The following PSD3 variants were observed in gnomAD, a reference collection of about 807,000 sequenced individuals.
The protein encoded by PSD3 is PH and SEC7 domain-containing protein 3.
In PSD3, 49 loss-of-function variants were observed where a neutral mutation model predicts 105.5. The observed-to-expected ratio is 0.46, with a 90% confidence interval of 0.37 to 0.59. The LOEUF is 0.59. PSD3 is among the 20% of genes least tolerant of loss of function. The pLI, the probability that PSD3 is intolerant of heterozygous loss-of-function variation, is 0.00. For synonymous variants in PSD3, 557 were observed against 457.8 expected, an observed-to-expected ratio of 1.22 and a Z score of -2.77; for missense variants, 1,561 against 1,263.8, an observed-to-expected ratio of 1.24 and a Z score of -3.57.
At chr8:18,987,527 T>G (rs988501549) in intron 1 of PSD3, among the ~76,000 whole-genome samples, 2 of 151,878 alleles carry the variant, frequency 1.3e-5, no homozygotes, top group East Asian at 3.9e-4. Flanking sequence ...GACCTCGTGA[T>G]CCACCCGCCT....
At chr8:18,837,129 A>G (rs1233725152) in intron 4 of PSD3, among the ~76,000 whole-genome samples, 2 of 152,150 alleles carry the variant, frequency 1.3e-5, no homozygotes, top group African/African-American at 4.8e-5. Context: ...AATCCCAGAT[A>G]GCAGTGACAG....
chr8:18,804,311 A>C, intron 6 of PSD3: 1 of 425,936 alleles, frequency 2.3e-6, no homozygotes, highest in East Asian at 3.6e-5. Flanking sequence ...TGGGATGTTC[A>C]CTTGGATAAG....
chr8:18,564,753 T>C (rs1801625689), intron 14 of PSD3, among the ~76,000 whole-genome samples: 1 of 151,666 alleles, frequency 6.6e-6, no homozygotes, highest in Non-Finnish European at 1.5e-5. Context: ...TCCCCTGAAA[T>C]CCCACTGCCC....
chr8:18,575,203 G>A lies in PSD3; in HGVS notation c.2564C>T (p.Ala855Val). 1 of 1,613,930 alleles carries A rather than the reference G, an allele frequency of 6.2e-7. No homozygotes were observed. Among genetic ancestry groups the A allele is most frequent in the Non-Finnish European group, 8.5e-7 (1 of 1,179,884 alleles). Residue 855 changes from alanine to valine, a missense_variant, in exon 13 of 16, where the codon GCC (alanine) becomes GTC (valine). Coordinates refer to ENST00000327040, the MANE Select transcript of PSD3 (RefSeq NM_015310.4). ...VSVHHALASK[A>V]TDYEKKPNVF... ...GTTTGGTTTCTTCTCATAGTCCGTG[G>A]CCTTGGATGCCAATGCGTGGTGCAC...
chr8:18,710,751 G>A lies in PSD3; in HGVS notation c.2172+54698C>T, dbSNP rs188409776. Among the ~76,000 whole-genome samples, 45 of 152,044 alleles carry A rather than the reference G, an allele frequency of 3.0e-4. No homozygotes were observed. In the East Asian group the frequency reaches 8.1e-3, roughly 28 times the overall value. ...GGCTGGAGTGCAGTGGCGTGATTTA[G>A]GCTCACTGCAACGTCCAACTCCCAG... On this transcript the variant is annotated intron_variant, in intron 9 of 15. Coordinates refer to ENST00000327040, the MANE Select transcript of PSD3 (RefSeq NM_015310.4).
At chr8:18,956,664 C>T (rs1197717568) in intron 1 of PSD3, among the ~76,000 whole-genome samples, 1 of 152,138 alleles carries the variant, frequency 6.6e-6, no homozygotes, top group East Asian at 1.9e-4. Context: ...GTTTTTGTCA[C>T]TTTAATATTT....
intron 15 of PSD3, among the ~76,000 whole-genome samples, chr8:18,550,135 T>C (rs1034525652): frequency 3.9e-5 from 6 of 152,168 alleles, no homozygotes; most frequent in Non-Finnish European, 7.3e-5. Flanking sequence ...CAGTAAATGA[T>C]TGATGAAGGA....
intron 10 of PSD3, among the ~76,000 whole-genome samples, chr8:18,634,287 CAG>C (rs1390496997): frequency 6.6e-6 from 1 of 151,650 alleles, no homozygotes; most frequent in African/African-American, 2.4e-5. Context: ...GGTATTTTAT[CAG>C]TAATTGTGAG....
chr8:18,575,190 C>T lies in PSD3; in HGVS notation c.2577G>A (p.Glu859=), dbSNP rs1209873690. The T allele has an allele frequency of 6.2e-7, 1 of 1,613,960 alleles. No individual in the cohort carries two copies. The highest frequency in any genetic ancestry group is 8.5e-7 in the Non-Finnish European group (1 of 1,179,916). ...TAAGTTTAAACACGTTTGGTTTCTT[C>T]TCATAGTCCGTGGCCTTGGATGCCA... The part of the protein sequence containing the change: ...HALASKATDY[E]KKPNVFKLKT... Residue 859 remains glutamate, a synonymous_variant, in exon 13 of 16, where the codon GAG becomes GAA. Coordinates refer to ENST00000327040, the MANE Select transcript of PSD3 (RefSeq NM_015310.4).
At chr8:18,774,020 T>C (rs1201664195) in intron 8 of PSD3, among the ~76,000 whole-genome samples, 5 of 152,222 alleles carry the variant, frequency 3.3e-5, no homozygotes, top group East Asian at 1.9e-4. Flanking sequence ...TTAATGTTCA[T>C]TGCTAGTATA....
intron 8 of PSD3, among the ~76,000 whole-genome samples, chr8:18,776,160 G>A (rs1808050629): frequency 1.3e-5 from 2 of 151,320 alleles, no homozygotes; most frequent in African/African-American, 2.4e-5. Flanking sequence ...GGCTATAAAT[G>A]CATGGATTTC....
chr8:19,004,861 CT>C (rs1826578161), intron 1 of PSD3, among the ~76,000 whole-genome samples: 1 of 152,170 alleles, frequency 6.6e-6, no homozygotes, highest in African/African-American at 2.4e-5. Context: ...CCCACACAAG[CT>C]GTCTCTTTGC....
chr8:18,544,172 A>AAAAAAAAAAAAAAAAAAAAAAAAAAC (rs1563306466), intron 15 of PSD3, among the ~76,000 whole-genome samples: 13 of 3,080 alleles, frequency 4.2e-3, no homozygotes, highest in East Asian at 0.023. Flanking sequence ...GAAACAAACC[A>AAAAAAAAAAAAAAAAAAAAAAAAAAC]AAAAAAAAAA....
At chr8:18,837,527 C>G (rs1432797895) in intron 4 of PSD3, among the ~76,000 whole-genome samples, 1 of 152,124 alleles carries the variant, frequency 6.6e-6, no homozygotes, top group Non-Finnish European at 1.5e-5. Context: ...TAGTGTATTC[C>G]TCATAGGTAA....
Position 18,936,125 on chromosome 8 carries a change from C to T in PSD3, c.39G>A (p.Trp13Ter). 1 of 1,611,422 alleles carries T rather than the reference C, an allele frequency of 6.2e-7. No individual in the cohort carries two copies. Among genetic ancestry groups the T allele is most frequent in the Non-Finnish European group, 8.5e-7 (1 of 1,178,726 alleles). ...GRSAAAETFV[W>*]VNNASAHSQS... is the part of the protein sequence containing the mutation. ...GGGAATGTGCAGATGCATTGTTCAC[C>T]CAAACAAATGTCTCTGCCTGCAAAA... The change falls in exon 2 of 16, where the codon TGG (tryptophan) becomes TGA (stop). Residue 13 changes from tryptophan to a stop codon, truncating the protein, a stop_gained. Transcript: ENST00000327040. LOFTEE classifies it high-confidence loss of function.
intron 1 of PSD3, among the ~76,000 whole-genome samples, chr8:18,936,750 T>G (rs1270696810): frequency 6.9e-6 from 1 of 144,846 alleles, no homozygotes; most frequent in Non-Finnish European, 1.5e-5. Context: ...AGAGCTAGAC[T>G]CCATCTCAAA....
chr8:18,624,285 T>C (rs554709772), intron 11 of PSD3, among the ~76,000 whole-genome samples: 1 of 152,172 alleles, frequency 6.6e-6, no homozygotes, highest in African/African-American at 2.4e-5. Context: ...CTTTTAATTT[T>C]TGTCAAGGTA....
chr8:18,710,952 G>T (rs779951972), intron 9 of PSD3, among the ~76,000 whole-genome samples: 4 of 151,954 alleles, frequency 2.6e-5, no homozygotes, highest in Admixed American at 6.6e-5. Context: ...CAAAGTTCTG[G>T]GATTACAGGC....
chr8:18,944,744 T>C (rs1822757364), intron 1 of PSD3, among the ~76,000 whole-genome samples: 1 of 152,200 alleles, frequency 6.6e-6, no homozygotes, highest in Non-Finnish European at 1.5e-5. Flanking sequence ...TATTTATTTT[T>C]ATCAGAACAG....
Sources: allele counts gnomAD v4.1 joint callset (sites outside exome capture counted in the v4.1 genomes callset), GRCh38; gene constraint gnomAD v4.1.1; transcripts MANE v1.5; gene names NCBI Gene and HGNC (gene_info 2026-07-23, HGNC 2026-07-21).